NRXN1: variants seen among roughly 807,000 people sequenced by gnomAD.
The protein encoded by NRXN1 is neurexin 1.
A neutral mutation model predicts 150.9 loss-of-function variants in NRXN1; 39 were observed. The ratio of observed to expected loss-of-function variants is 0.26; its 90% CI spans 0.20 to 0.34. The LOEUF is 0.34. NRXN1 is among the 10% of genes least tolerant of loss of function. The pLI is 1.00. For missense variants in NRXN1, 1,815 were observed against 1,949.9 expected, an observed-to-expected ratio of 0.93 and a Z score of 1.30; for synonymous variants, 924 against 757.0, an observed-to-expected ratio of 1.22 and a Z score of -3.62.
At chr2:50,520,013 G>A (rs1416185812) in intron 12 of NRXN1, among the ~76,000 whole-genome samples, 3 of 151,826 alleles carry the variant, frequency 2.0e-5, no homozygotes, top group African/African-American at 4.8e-5. Flanking sequence ...AGAGAACGGG[G>A]TGCAAAACAT....
chr2:50,656,320 T>C, intron 5 of NRXN1: 1 of 749,342 alleles, frequency 1.3e-6, no homozygotes, highest in Non-Finnish European at 2.5e-6. Flanking sequence ...ATTTTAAAAG[T>C]AACACTTATA....
At chr2:50,120,256 C>A (rs1445862143) in intron 18 of NRXN1, among the ~76,000 whole-genome samples, 1 of 148,150 alleles carries the variant, frequency 6.7e-6, no homozygotes, top group African/African-American at 2.6e-5. Flanking sequence ...ACTATATACA[C>A]CTTTATAAAA....
intron 17 of NRXN1, among the ~76,000 whole-genome samples, chr2:50,402,532 ATGCCATAGTGTCCCC>A (rs1450990719): frequency 1.3e-5 from 2 of 152,138 alleles, no homozygotes; most frequent in African/African-American, 4.8e-5. Flanking sequence ...CTGAATTCCT[ATGCCATAGTGTCCCC>A]TGCTGGTCGA....
intron 17 of NRXN1, chr2:50,432,462 C>T (rs921614990): frequency 2.6e-5 from 4 of 152,150 alleles, no homozygotes; most frequent in African/African-American, 9.7e-5. Context: ...AGTTAAAAGC[C>T]CTCCACAGAT....
chr2:50,767,007 G>A (rs1445183190), intron 5 of NRXN1, among the ~76,000 whole-genome samples: 1 of 152,052 alleles, frequency 6.6e-6, no homozygotes, highest in Non-Finnish European at 1.5e-5. Flanking sequence ...TGGATACACT[G>A]GCTAGACAAA....
intron 17 of NRXN1, among the ~76,000 whole-genome samples, chr2:50,273,491 G>A (rs879551858): frequency 6.6e-6 from 1 of 152,026 alleles, no homozygotes; most frequent in South Asian, 2.1e-4. Context: ...TTGTGTTTTC[G>A]AGTGCTATTG....
chr2:49,989,701 G>T (rs552144668), intron 21 of NRXN1, among the ~76,000 whole-genome samples: 2 of 152,160 alleles, frequency 1.3e-5, no homozygotes, highest in Admixed American at 1.3e-4. Flanking sequence ...CCAGAAAGTA[G>T]AAGCAATTCT....
chr2:50,167,867 T>C (rs1480659970), intron 18 of NRXN1, among the ~76,000 whole-genome samples: 1 of 152,190 alleles, frequency 6.6e-6, no homozygotes, highest in Non-Finnish European at 1.5e-5. Context: ...CAGGATTACA[T>C]GCATAGTAGA....
chr2:50,451,720 GA>G (rs1333450069), intron 17 of NRXN1, among the ~76,000 whole-genome samples: 4 of 152,146 alleles, frequency 2.6e-5, no homozygotes, highest in African/African-American at 9.7e-5. Context: ...GTGGATGGCA[GA>G]AAATGGAATT....
chr2:50,117,997 C>G (rs75946685), intron 18 of NRXN1, among the ~76,000 whole-genome samples: 1 of 152,000 alleles, frequency 6.6e-6, no homozygotes. Flanking sequence ...TAAATAAAGA[C>G]CTAGGTTTTC....
chr2:50,683,646 A>AAAAAAAAAAAAAAAAAAAAAAAATAT, intron 5 of NRXN1, among the ~76,000 whole-genome samples: 1 of 14,910 alleles, frequency 6.7e-5, no homozygotes, highest in African/African-American at 3.6e-4. Flanking sequence ...AAAAAAAAAA[A>AAAAAAAAAAAAAAAAAAAAAAAATAT]ATATATATAT....
At chr2:50,911,283 T>A (rs1574907226) in intron 5 of NRXN1, among the ~76,000 whole-genome samples, 1 of 151,900 alleles carries the variant, frequency 6.6e-6, no homozygotes, top group Non-Finnish European at 1.5e-5. Flanking sequence ...CATTACAATC[T>A]CGTGTTCTTG....
At chr2:50,319,051 G>A (rs1399801810) in intron 17 of NRXN1, among the ~76,000 whole-genome samples, 2 of 151,990 alleles carry the variant, frequency 1.3e-5, no homozygotes, top group Non-Finnish European at 2.9e-5. Context: ...TAAACTAAAT[G>A]TTTAAAATTT....
intron 21 of NRXN1, among the ~76,000 whole-genome samples, chr2:49,961,465 A>C (rs572091087): frequency 1.1e-4 from 17 of 152,114 alleles, no homozygotes; most frequent in African/African-American, 4.1e-4. Context: ...CAATGCTGGA[A>C]TTAAACAAAT....
At chr2:49,962,653 G>A (rs1233676992) in intron 21 of NRXN1, among the ~76,000 whole-genome samples, 1 of 152,128 alleles carries the variant, frequency 6.6e-6, no homozygotes, top group Admixed American at 6.5e-5. Flanking sequence ...GGTAACGGTA[G>A]AGGGTAATAT....
chr2:50,826,138 A>T lies in NRXN1; in HGVS notation c.832+95731T>A, dbSNP rs190934408. Among the ~76,000 whole-genome samples the T allele has an allele frequency of 2.7e-4, 41 of 152,272 alleles. 1 individual carries two copies. The highest frequency in any genetic ancestry group is 9.6e-4 in the African/African-American group (40 of 41,556). The stretch of plus-strand genomic sequence containing the variant: ...AAACCAGAAGATGTGGTTGAGAGGG[A>T]CTGGGGGAAGGGAAAGAGGGGCCAC... On this transcript the variant is annotated intron_variant, in intron 5 of 22. Transcript: ENST00000401669.
chr2:50,531,967 T>A (rs779269620), intron 10 of NRXN1, among the ~76,000 whole-genome samples: 20 of 152,080 alleles, frequency 1.3e-4, no homozygotes, highest in Non-Finnish European at 2.2e-4. Flanking sequence ...CACCTCAACC[T>A]CCTGAGTAGC....
chr2:50,386,537 A>G (rs140117998), intron 17 of NRXN1, among the ~76,000 whole-genome samples: 42 of 152,268 alleles, frequency 2.8e-4, no homozygotes, highest in African/African-American at 8.2e-4. Context: ...ATAGACTAAT[A>G]AGATGAATAT....
intron 17 of NRXN1, among the ~76,000 whole-genome samples, chr2:50,278,927 T>G (rs2071035056): frequency 6.6e-6 from 1 of 152,196 alleles, no homozygotes; most frequent in African/African-American, 2.4e-5. Flanking sequence ...AAGCACCTCT[T>G]AAAATATTAA....
Sources: gnomAD v4.1 joint callset for allele counts (sites outside exome capture counted in the v4.1 genomes callset) on GRCh38, gnomAD v4.1.1 for gene constraint, MANE v1.5 for transcripts, NCBI Gene and HGNC (gene_info 2026-07-23, HGNC 2026-07-21) for gene names.